The following CD2AP variants were observed in gnomAD, a reference collection of about 807,000 sequenced individuals.
CD2AP encodes the protein CD2-associated protein.
A neutral mutation model predicts 85.1 loss-of-function variants in CD2AP; 46 were observed. That is an observed-to-expected ratio of 0.54 (90% CI 0.43 to 0.69). The LOEUF (loss-of-function observed/expected upper bound fraction) is 0.69, where lower values mean the gene tolerates loss of function less well. Among genes scored for constraint, CD2AP ranks in the 30% least tolerant of loss-of-function variants. The pLI, the probability that CD2AP is intolerant of heterozygous loss-of-function variation, is 0.00. For synonymous variants in CD2AP, 255 were observed against 252.9 expected, an observed-to-expected ratio of 1.01 and a Z score of -0.08; for missense variants, 769 against 729.5, an observed-to-expected ratio of 1.05 and a Z score of -0.62.
chr6:47,543,148 CAAAAAAAAAAAAAAAA>C (rs11338409), intron 3 of CD2AP, among the ~76,000 whole-genome samples: 6 of 60,334 alleles, frequency 9.9e-5, no homozygotes, highest in Middle Eastern at 0.037. Context: ...AAGACTGTCT[CAAAAAAAAAAAAAAAA>C]AAAAAAAAGA....
intron 8 of CD2AP, among the ~76,000 whole-genome samples, chr6:47,577,314 G>A (rs1402284229): frequency 6.6e-6 from 1 of 151,952 alleles, no homozygotes; most frequent in Non-Finnish European, 1.5e-5. Flanking sequence ...TATATTTGTT[G>A]TAATTTACAT....
At chr6:47,499,097 T>A (rs9369704) in intron 1 of CD2AP, among the ~76,000 whole-genome samples, 1 of 152,040 alleles carries the variant, frequency 6.6e-6, no homozygotes, top group African/African-American at 2.4e-5. Context: ...TTTTTTTTGA[T>A]AACTTCCTTA....
intron 4 of CD2AP, among the ~76,000 whole-genome samples, chr6:47,547,391 A>G (rs191244449): frequency 7.9e-5 from 12 of 152,312 alleles, no homozygotes; most frequent in African/African-American, 2.6e-4. Flanking sequence ...CTTATATCAG[A>G]CAAAACAAAC....
chr6:47,573,503 T>TG (rs1768212535), intron 5 of CD2AP, among the ~76,000 whole-genome samples: 1 of 148,032 alleles, frequency 6.8e-6, no homozygotes, highest in South Asian at 2.2e-4. Flanking sequence ...TTTTTTTTTT[T>TG]TTTGAGACGG....
intron 11 of CD2AP, among the ~76,000 whole-genome samples, chr6:47,585,476 T>C (rs1173367401): frequency 2.0e-5 from 3 of 152,190 alleles, no homozygotes; most frequent in African/African-American, 7.2e-5. Context: ...TATAAGTCAC[T>C]GTGACACTGA....
intron 3 of CD2AP, among the ~76,000 whole-genome samples, chr6:47,534,562 G>A (rs74676032): frequency 0.034 from 5,225 of 152,104 alleles, 152 homozygotes; most frequent in Middle Eastern, 0.058. Context: ...CAAATTAGCC[G>A]GGCGTGGAGG....
At chr6:47,588,615 A>G (rs1361431595) in intron 11 of CD2AP, among the ~76,000 whole-genome samples, 1 of 152,130 alleles carries the variant, frequency 6.6e-6, no homozygotes, top group Non-Finnish European at 1.5e-5. Context: ...GACTTAAACA[A>G]TAGGGAAAAC....
intron 3 of CD2AP, among the ~76,000 whole-genome samples, chr6:47,542,473 T>G (rs1205995422): frequency 1.3e-5 from 2 of 152,186 alleles, no homozygotes; most frequent in Middle Eastern, 3.2e-3. Flanking sequence ...TATTAATAGG[T>G]AGGATCTTTT....
chr6:47,493,514 T>C (rs1167419581), intron 1 of CD2AP, among the ~76,000 whole-genome samples: 1 of 152,104 alleles, frequency 6.6e-6, no homozygotes. Flanking sequence ...TTGATTTTCT[T>C]CCATTAAATG....
chr6:47,596,053 C>T (rs1454252313), intron 12 of CD2AP, 27 bp downstream of exon 12: 2 of 1,557,780 alleles, frequency 1.3e-6, no homozygotes, highest in African/African-American at 2.7e-5. Context: ...TTTAAATTAG[C>T]TTACTGATTT....
At chr6:47,611,528 T>C (rs890562052) in intron 16 of CD2AP, among the ~76,000 whole-genome samples, 1 of 151,920 alleles carries the variant, frequency 6.6e-6, no homozygotes. Flanking sequence ...TAAGAAATTA[T>C]TGCCAAGAAG....
chr6:47,589,072 C>T (rs1385439700), intron 11 of CD2AP, among the ~76,000 whole-genome samples: 1 of 151,876 alleles, frequency 6.6e-6, no homozygotes, highest in Non-Finnish European at 1.5e-5. Flanking sequence ...ATCTTGTTGA[C>T]TAATGAGATA....
intron 3 of CD2AP, among the ~76,000 whole-genome samples, chr6:47,538,085 G>T (rs759575603): frequency 2.1e-4 from 32 of 151,530 alleles, no homozygotes; most frequent in Non-Finnish European, 2.5e-4. Flanking sequence ...CTGTATGAAT[G>T]GCTGATTGAT....
At chr6:47,554,849 CTGTTCTTTCTTT>C (rs1482961835) in intron 5 of CD2AP, 83 bp downstream of exon 5, 17 of 1,367,974 alleles carry the variant, frequency 1.2e-5, no homozygotes, top group Non-Finnish European at 1.5e-5. Context: ...TTTTGAAACT[CTGTTCTTTCTTT>C]TGAACTTTGA....
chr6:47,609,218 T>A lies in CD2AP; in HGVS notation c.1728T>A (p.Asp576Glu). 1 of 1,613,184 alleles carries A rather than the reference T, an allele frequency of 6.2e-7. No homozygotes were observed. ...PLEIKAKVET[D>E]DVKKNSLDEL... is the part of the protein sequence containing the mutation. ...AAATCAAAGCTAAAGTGGAAACAGA[T>A]GATGTGAAAAAAAATTCCCTGGATG... Residue 576 changes from aspartate to glutamate, a missense_variant, in exon 16 of 18, where the codon GAT becomes GAA. Coordinates refer to ENST00000359314, the MANE Select transcript of CD2AP (RefSeq NM_012120.3).
chr6:47,492,234 G>C (rs1765753754), intron 1 of CD2AP, among the ~76,000 whole-genome samples: 1 of 152,066 alleles, frequency 6.6e-6, no homozygotes, highest in South Asian at 2.1e-4. Context: ...TTGCTCACAG[G>C]CTGGAAAGTC....
intron 4 of CD2AP, among the ~76,000 whole-genome samples, chr6:47,549,442 C>T (rs185604407): frequency 1.1e-4 from 14 of 133,302 alleles, no homozygotes; most frequent in African/African-American, 2.3e-4. Context: ...AAGAACTCAA[C>T]GCCTTTTACA....
At chr6:47,599,903 T>C (rs1047641646) in intron 13 of CD2AP, among the ~76,000 whole-genome samples, 6 of 151,976 alleles carry the variant, frequency 3.9e-5, no homozygotes, top group African/African-American at 1.4e-4. Context: ...TCTAACCCTT[T>C]TGCTAATTTT....
chr6:47,557,169 GTTTT>G (rs371058774), intron 5 of CD2AP, among the ~76,000 whole-genome samples: 1 of 144,626 alleles, frequency 6.9e-6, no homozygotes, highest in South Asian at 2.2e-4. Flanking sequence ...TTTTGATGGA[GTTTT>G]TTTTTTTTTT....
Sources: gnomAD v4.1 joint callset for allele counts (sites outside exome capture counted in the v4.1 genomes callset) on GRCh38, gnomAD v4.1.1 for gene constraint, MANE v1.5 for transcripts, NCBI Gene and HGNC (gene_info 2026-07-23, HGNC 2026-07-21) for gene names.